The following TMCO4 variants were observed in gnomAD, a reference collection of about 807,000 sequenced individuals.
TMCO4 encodes transmembrane and coiled-coil domains 4, also known as transmembrane and coiled-coil domain-containing protein 4.
In TMCO4, 58 loss-of-function variants were observed where a neutral mutation model predicts 64.7. The ratio of observed to expected loss-of-function variants is 0.90; its 90% CI spans 0.73 to 1.12. The LOEUF is 1.12. Among genes scored for constraint, TMCO4 ranks in the 50% most tolerant of loss-of-function variants. The pLI is 0.00. For missense variants in TMCO4, 780 were observed against 825.9 expected, an observed-to-expected ratio of 0.94 and a Z score of 0.68; for synonymous variants, 325 against 346.1, an observed-to-expected ratio of 0.94 and a Z score of 0.68.
At chr1:19,762,474 G>A (rs545253374) in intron 6 of TMCO4, among the ~76,000 whole-genome samples, 1 of 152,336 alleles carries the variant, frequency 6.6e-6, no homozygotes, top group African/African-American at 2.4e-5. Context: ...AGCCCCTGGA[G>A]CCAACTGGTC....
intron 15 of TMCO4, among the ~76,000 whole-genome samples, chr1:19,685,137 C>A (rs2095136097): frequency 6.6e-6 from 1 of 152,132 alleles, no homozygotes; most frequent in Admixed American, 6.5e-5. Context: ...CCAGCCTGGG[C>A]AACATGGGGA....
At chr1:19,709,284 G>A (rs1252892083) in intron 13 of TMCO4, among the ~76,000 whole-genome samples, 1 of 80,762 alleles carries the variant, frequency 1.2e-5, no homozygotes, top group Admixed American at 1.3e-4. Context: ...CTAACATCCC[G>A]GCGGGGGGGG....
intron 4 of TMCO4, among the ~76,000 whole-genome samples, chr1:19,779,095 G>A (rs2043343323): frequency 6.6e-6 from 1 of 152,206 alleles, no homozygotes; most frequent in Non-Finnish European, 1.5e-5. Flanking sequence ...AAGACCCAAG[G>A]CATGAAGGAA....
rs545133757 is a variant in TMCO4, at chr1:19,743,605, G to A, written c.877+1927C>T. On this transcript the variant is annotated intron_variant, in intron 10 of 15. Transcript: ENST00000294543. This position sits in a 1 kb window ranked among gnomAD's most constrained non-coding sequence, Gnocchi z 4.1. ...CCCAAATGAACTTGACCTTTAACCC[G>A]GGGCAAACTGAACAAATAGGGGCAA... 9.2e-5 allele frequency among the ~76,000 whole-genome samples: 14 copies of A among 152,134 alleles called. No homozygotes were observed. Among genetic ancestry groups the A allele is most frequent in the Middle Eastern group, 3.4e-3 (1 of 294 alleles).
intron 14 of TMCO4, among the ~76,000 whole-genome samples, chr1:19,695,115 C>T (rs74056969): frequency 0.081 from 12,365 of 152,254 alleles, 1,593 homozygotes; most frequent in African/African-American, 0.28. Context: ...TGCCCTCAGG[C>T]AGCAGAGGAG....
chr1:19,693,536 C>T (rs898484752), intron 15 of TMCO4, among the ~76,000 whole-genome samples: 3 of 152,168 alleles, frequency 2.0e-5, no homozygotes, highest in Non-Finnish European at 2.9e-5. Flanking sequence ...GGCTGCCCAG[C>T]AGGTGCCCTC....
intron 15 of TMCO4, 51 bp downstream of exon 15, chr1:19,694,383 T>C (rs753917115): frequency 6.5e-7 from 1 of 1,538,284 alleles, no homozygotes; most frequent in South Asian, 1.1e-5. Context: ...GTGGCTGGGC[T>C]GGAGCAACTA....
intron 10 of TMCO4, among the ~76,000 whole-genome samples, chr1:19,741,648 C>T (rs2095479579): frequency 6.6e-6 from 1 of 152,136 alleles, no homozygotes; most frequent in Non-Finnish European, 1.5e-5. Context: ...GCCCACCTGG[C>T]TGCCTTCAGT....
At chr1:19,784,240 A>G (rs905703432) in intron 3 of TMCO4, among the ~76,000 whole-genome samples, 1 of 152,192 alleles carries the variant, frequency 6.6e-6, no homozygotes, top group Non-Finnish European at 1.5e-5. Flanking sequence ...AGAGTACAAA[A>G]GGCTAAGCTC....
intron 1 of TMCO4, among the ~76,000 whole-genome samples, chr1:19,798,852 C>T (rs1285810895): frequency 6.6e-6 from 1 of 152,232 alleles, no homozygotes; most frequent in Non-Finnish European, 1.5e-5. Flanking sequence ...ACAGTAGGTG[C>T]TCAACAAATA....
intron 3 of TMCO4, among the ~76,000 whole-genome samples, chr1:19,785,881 C>T (rs2043715949): frequency 6.6e-6 from 1 of 152,142 alleles, no homozygotes. Context: ...AGGTGTCATT[C>T]CAGCAGAGGC....
At chr1:19,701,751 G>T (rs1459736057) in intron 13 of TMCO4, among the ~76,000 whole-genome samples, 1 of 152,094 alleles carries the variant, frequency 6.6e-6, no homozygotes, top group African/African-American at 2.4e-5. Context: ...AGGAGAGGGG[G>T]CGAGTAGGTC....
At position 19,682,907 on chromosome 1, in the gene TMCO4, G is replaced by T; in HGVS notation, c.*133C>A. ...TTCCTTCCATTTCCTTTCCCTTTCA[G>T]TTCCAATTCCTTCCATTTAGGAAAG... is the stretch of plus-strand genomic sequence containing the variant. On this transcript the variant is annotated 3_prime_UTR_variant, in exon 16 of 16. Coordinates refer to ENST00000294543, the MANE Select transcript of TMCO4 (RefSeq NM_181719.7). The T allele has an allele frequency of 4.0e-6, 5 of 1,244,570 alleles. No individual in the cohort carries two copies. Among genetic ancestry groups the T allele is most frequent in the Non-Finnish European group, 5.6e-6 (5 of 886,156 alleles). The allele number at this position is 1,244,570 out of a possible 1,614,324, so 77.1% of individuals were successfully genotyped here.
intron 2 of TMCO4, among the ~76,000 whole-genome samples, chr1:19,796,993 T>A (rs2044339817): frequency 1.3e-5 from 2 of 152,238 alleles, no homozygotes; most frequent in Non-Finnish European, 2.9e-5. Flanking sequence ...CAATCCCTGA[T>A]ACATCCTAGG....
intron 13 of TMCO4, among the ~76,000 whole-genome samples, chr1:19,737,110 G>A (rs892529874): frequency 2.0e-5 from 3 of 152,192 alleles, no homozygotes; most frequent in African/African-American, 7.2e-5. Flanking sequence ...ATTCCCACTT[G>A]GGAAAGTGCA....
chr1:19,778,414 C>T (rs562189222), intron 4 of TMCO4, among the ~76,000 whole-genome samples: 3 of 152,224 alleles, frequency 2.0e-5, no homozygotes, highest in Admixed American at 2.0e-4. Context: ...GCTGGGACCA[C>T]AGGTGTGCAC....
rs559415368 is a variant in TMCO4, at chr1:19,710,197, C to T, written c.1265-9312G>A. On this transcript the variant is annotated intron_variant, in intron 13 of 15. Transcript: ENST00000294543. ...TCATAGCTCACTGCAGCCTCAACCT[C>T]CCAGGCTCAAGCCACCCTCCTGCCT... 1.1e-4 allele frequency among the ~76,000 whole-genome samples: 16 copies of T among 152,178 alleles called. No homozygotes were observed. In the South Asian group the frequency reaches 3.1e-3, roughly 30 times the overall value.
chr1:19,702,481 G>A (rs1484284656), intron 13 of TMCO4, among the ~76,000 whole-genome samples: 5 of 152,094 alleles, frequency 3.3e-5, no homozygotes, highest in Non-Finnish European at 1.5e-5. Flanking sequence ...TGTAATCCCA[G>A]CTATTTGGGA....
At chr1:19,698,470 G>A (rs1007204159) in intron 14 of TMCO4, among the ~76,000 whole-genome samples, 4 of 152,198 alleles carry the variant, frequency 2.6e-5, no homozygotes, top group Non-Finnish European at 4.4e-5. Context: ...CAGAAGGTTC[G>A]TGAATAGCCC....
Sources: allele counts gnomAD v4.1 joint callset (sites outside exome capture counted in the v4.1 genomes callset), GRCh38; gene constraint gnomAD v4.1.1; non-coding constraint Gnocchi (gnomAD v3.1); transcripts MANE v1.5; gene names NCBI Gene and HGNC (gene_info 2026-07-23, HGNC 2026-07-21).